Variants in PTCHD4 observed in about 807,000 individuals in gnomAD.
PTCHD4 encodes patched domain-containing protein 4.
PTCHD4 carries 33 observed loss-of-function variants against 58.1 expected under a neutral mutation model. The ratio of observed to expected loss-of-function variants is 0.57; its 90% confidence interval spans 0.43 to 0.76. PTCHD4 has a LOEUF of 0.76. PTCHD4 is among the 30% of genes least tolerant of loss of function. The pLI is 0.00. For synonymous variants in PTCHD4, 478 were observed against 409.6 expected (o/e 1.17, Z -2.02); for missense variants, 1,058 against 1,027.1 (o/e 1.03, Z -0.41).
rs1381431152 is a variant in PTCHD4, at chr6:48,111,046, TAC to T, written c.-970+1_-970+2del. On this transcript the variant is annotated splice_donor_variant, in intron 1 of 4. Coordinates refer to ENST00000339488, the MANE Select transcript of PTCHD4 (RefSeq NM_001384253.1). LOFTEE classifies it low-confidence loss of function (5UTR_SPLICE). ...CTTGGAGGCTGATGTGGGGTTCCCT[TAC>T]CTTCTGGCTTTCGGTTTGGATTGGC... Among the ~76,000 whole-genome samples the T allele has an allele frequency of 4.6e-5, 7 of 152,028 alleles. No homozygotes were observed. Among genetic ancestry groups the T allele is most frequent in the Admixed American group, 2.6e-4 (4 of 15,226 alleles).
intron 3 of PTCHD4, among the ~76,000 whole-genome samples, chr6:48,034,325 G>A (rs1273814880): frequency 6.6e-6 from 1 of 152,066 alleles, no homozygotes; most frequent in East Asian, 1.9e-4. Flanking sequence ...ATTTGGATAA[G>A]GAGAGATGTC....
chr6:48,037,488 T>C (rs1763682033), intron 3 of PTCHD4, among the ~76,000 whole-genome samples: 1 of 152,162 alleles, frequency 6.6e-6, no homozygotes. Flanking sequence ...TTCCCTTTTA[T>C]TAGAAAGGAA....
intron 1 of PTCHD4, among the ~76,000 whole-genome samples, chr6:48,071,740 A>G (rs1764979047): frequency 6.6e-6 from 1 of 152,088 alleles, no homozygotes; most frequent in Non-Finnish European, 1.5e-5. Context: ...CTGTTCCAGG[A>G]TCCTATCCTG....
rs561660618 is a variant in PTCHD4 at position 47,946,397 on chromosome 6, G to A, written c.898+62237C>T. On this transcript the variant is annotated intron_variant, in intron 4 of 4. Coordinates refer to ENST00000339488, the MANE Select transcript of PTCHD4 (RefSeq NM_001384253.1). ...CTATTAAGAATATATCAGAATTGTT[G>A]CATCTTTCTGATAGCTTGAGCCTTT... Among the ~76,000 whole-genome samples, 43 of 152,160 alleles carry A rather than the reference G, an allele frequency of 2.8e-4. No individual in the cohort carries two copies. The South Asian group carries it at 8.1e-3, about 29-fold the overall frequency.
chr6:47,992,220 C>A (rs1768303989), intron 4 of PTCHD4, among the ~76,000 whole-genome samples: 1 of 152,026 alleles, frequency 6.6e-6, no homozygotes. Context: ...GATAGAACAC[C>A]ACTTTATGCT....
chr6:47,856,828 A>C lies in PTCHD4; in HGVS notation c.*21475T>G, dbSNP rs1763320676. On this transcript the variant is annotated 3_prime_UTR_variant, in exon 5 of 5. Coordinates refer to ENST00000339488, the MANE Select transcript of PTCHD4 (RefSeq NM_001384253.1). ...ATAATTAACAGCATTCATCAGATTA[A>C]TTTTGTTTTCACATGATTTTCTAAT... is the stretch of plus-strand genomic sequence containing the variant. 6.6e-6 allele frequency among the ~76,000 whole-genome samples: 1 copy of C among 152,088 alleles called. No homozygotes were observed. The highest frequency in any genetic ancestry group is 2.4e-5 in the African/African-American group (1 of 41,446).
chr6:47,955,978 T>C (rs1766843012), intron 4 of PTCHD4, among the ~76,000 whole-genome samples: 1 of 152,186 alleles, frequency 6.6e-6, no homozygotes, highest in Admixed American at 6.5e-5. Flanking sequence ...ATAAATGAAG[T>C]TTTTAGTTAT....
chr6:47,889,330 A>C (rs991171879), intron 4 of PTCHD4, among the ~76,000 whole-genome samples: 2 of 134,564 alleles, frequency 1.5e-5, no homozygotes, highest in Non-Finnish European at 3.2e-5. Flanking sequence ...TTGTTTCCTG[A>C]CTTTTTAATG....
In PTCHD4 at chr6:47,871,756, G is replaced by T. The variant is rs1180487918; in HGVS notation, c.*6547C>A. 6.6e-6 allele frequency among the ~76,000 whole-genome samples: 1 copy of T among 151,578 alleles called. No individual in the cohort carries two copies. Among genetic ancestry groups the T allele is most frequent in the Non-Finnish European group, 1.5e-5 (1 of 67,722 alleles). Reference sequence around the variant, plus strand: ...ATACCCTTATGAGGTAGCTTGGAGAGATCTCTGCCCTTTTCAATCTGTGAC... The same window carrying T: ...ATACCCTTATGAGGTAGCTTGGAGATATCTCTGCCCTTTTCAATCTGTGAC... On this transcript the variant is annotated 3_prime_UTR_variant, in exon 5 of 5. Transcript: ENST00000339488.
chr6:47,963,969 C>G (rs1049904248), intron 4 of PTCHD4, among the ~76,000 whole-genome samples: 1 of 152,200 alleles, frequency 6.6e-6, no homozygotes, highest in Non-Finnish European at 1.5e-5. Context: ...GATTAAACCA[C>G]TCATTATCAA....
chr6:47,937,832 C>G (rs540330794), intron 4 of PTCHD4, among the ~76,000 whole-genome samples: 24 of 152,006 alleles, frequency 1.6e-4, no homozygotes, highest in Non-Finnish European at 2.4e-4. Context: ...GGAATAAAAC[C>G]AAGAAGGAGA....
intron 4 of PTCHD4, among the ~76,000 whole-genome samples, chr6:47,920,454 A>G (rs73739009): frequency 0.013 from 1,931 of 152,272 alleles, 44 homozygotes; most frequent in African/African-American, 0.044. Context: ...TGAATTTGAT[A>G]CATTTTGAGA....
At chr6:47,913,564 A>AT (rs1321748574) in intron 4 of PTCHD4, among the ~76,000 whole-genome samples, 2 of 152,116 alleles carry the variant, frequency 1.3e-5, no homozygotes, top group African/African-American at 4.8e-5. Flanking sequence ...AAAGTCATTG[A>AT]TTCATAATGG....
In PTCHD4 at chr6:48,073,367, C is replaced by T. The variant is rs371283524; in HGVS notation, c.-969-3441G>A. Among the ~76,000 whole-genome samples the T allele has an allele frequency of 1.3e-3, 194 of 152,270 alleles. 4 individuals carry two copies. In the South Asian group the frequency reaches 0.039, roughly 30 times the overall value. On this transcript the variant is annotated intron_variant, in intron 1 of 4. Transcript: ENST00000339488. Reference sequence around the variant, plus strand: ...TCTAGGCCAATTCCATAATTTACTTCCTAGATGTTTTAAATAAGACACCTA... The same window carrying T: ...TCTAGGCCAATTCCATAATTTACTTTCTAGATGTTTTAAATAAGACACCTA...
At chr6:47,990,608 C>T (rs1768248085) in intron 4 of PTCHD4, among the ~76,000 whole-genome samples, 1 of 152,100 alleles carries the variant, frequency 6.6e-6, no homozygotes, top group Non-Finnish European at 1.5e-5. Context: ...TAAGAAGTAC[C>T]TTTTCCCTCC....
chr6:47,901,442 G>C, intron 4 of PTCHD4: 1 of 981,150 alleles, frequency 1.0e-6, no homozygotes. Flanking sequence ...CATATTGCCA[G>C]GTAACCTCCT....
chr6:48,050,868 G>A (rs1197457092), intron 3 of PTCHD4, among the ~76,000 whole-genome samples: 2 of 152,018 alleles, frequency 1.3e-5, no homozygotes, highest in African/African-American at 4.8e-5. Flanking sequence ...TGCTGTCATA[G>A]GACAGTCAGA....
intron 4 of PTCHD4, among the ~76,000 whole-genome samples, chr6:48,002,886 C>A (rs1202163902): frequency 1.3e-5 from 2 of 152,096 alleles, no homozygotes; most frequent in Non-Finnish European, 2.9e-5. Flanking sequence ...TTCAAAGTCA[C>A]CAATGACTTC....
chr6:47,920,080 A>G (rs760182904), intron 4 of PTCHD4, among the ~76,000 whole-genome samples: 26 of 152,098 alleles, frequency 1.7e-4, no homozygotes, highest in Non-Finnish European at 8.8e-5. Context: ...ATAATCCTTT[A>G]CTGTGTTAAG....
Sources: gnomAD v4.1 joint callset for allele counts (sites outside exome capture counted in the v4.1 genomes callset) on GRCh38, gnomAD v4.1.1 for gene constraint, MANE v1.5 for transcripts, NCBI Gene and HGNC (gene_info 2026-07-23, HGNC 2026-07-21) for gene names.